Variants in BICD1 observed in about 807,000 individuals in gnomAD.
The protein encoded by BICD1 is BICD cargo adaptor 1.
In BICD1, 35 loss-of-function variants were observed where a neutral mutation model predicts 92.5. The observed-to-expected ratio is 0.38, with a 90% CI of 0.29 to 0.50. The LOEUF is 0.50. Ranked by LOEUF, BICD1 falls within the 20% of genes least tolerant of loss-of-function variation. The pLI is 0.93. For missense variants in BICD1, 950 were observed against 1,189.8 expected (o/e 0.80, Z 2.97); for synonymous variants, 429 against 465.1 (o/e 0.92, Z 1.00).
intron 2 of BICD1, among the ~76,000 whole-genome samples, chr12:32,284,290 C>G (rs1947500941): frequency 6.6e-6 from 1 of 152,212 alleles, no homozygotes; most frequent in African/African-American, 2.4e-5. Context: ...TTACTCCCCT[C>G]TAGGATCCAG....
At chr12:32,183,384 C>T (rs936672788) in intron 1 of BICD1, among the ~76,000 whole-genome samples, 6 of 151,754 alleles carry the variant, frequency 4.0e-5, no homozygotes, top group Non-Finnish European at 7.4e-5. Flanking sequence ...CCTGCCTCAG[C>T]CTCCCTAGTA....
intron 2 of BICD1, among the ~76,000 whole-genome samples, chr12:32,234,608 AAG>A (rs1301036420): frequency 1.0e-4 from 15 of 144,840 alleles, no homozygotes; most frequent in Non-Finnish European, 1.5e-4. Flanking sequence ...AAAAAAAAAA[AAG>A]AAAGAAAGAA....
intron 2 of BICD1, among the ~76,000 whole-genome samples, chr12:32,225,631 T>TTTTTTTTTTTTTTTTTTTTTTTTTTTTG (rs1565600360): frequency 7.2e-6 from 1 of 139,388 alleles, no homozygotes; most frequent in Non-Finnish European, 1.6e-5. Flanking sequence ...GTTTTTTTTT[T>TTTTTTTTTTTTTTTTTTTTTTTTTTTTG]TTTTTTTTTT....
chr12:32,326,697 C>T (rs1246968927), intron 4 of BICD1, among the ~76,000 whole-genome samples: 1 of 152,112 alleles, frequency 6.6e-6, no homozygotes, highest in Non-Finnish European at 1.5e-5. Flanking sequence ...CCAGCCTGGA[C>T]AACATAGCAA....
chr12:32,222,253 A>T (rs954940559), intron 2 of BICD1, among the ~76,000 whole-genome samples: 27 of 152,362 alleles, frequency 1.8e-4, no homozygotes, highest in African/African-American at 6.5e-4. Flanking sequence ...AGAAGATTGG[A>T]GTTATCAAAT....
At chr12:32,175,966 A>T (rs1592420215) in intron 1 of BICD1, among the ~76,000 whole-genome samples, 1 of 152,204 alleles carries the variant, frequency 6.6e-6, no homozygotes, top group African/African-American at 2.4e-5. Flanking sequence ...CATTTCATAT[A>T]AATGAGATGG....
intron 1 of BICD1, among the ~76,000 whole-genome samples, chr12:32,171,925 C>T (rs1053078482): frequency 6.7e-6 from 1 of 148,814 alleles, no homozygotes; most frequent in Non-Finnish European, 1.5e-5. Flanking sequence ...CAAAGCAAGA[C>T]TTGGTCTCAA....
intron 1 of BICD1, among the ~76,000 whole-genome samples, chr12:32,152,576 G>C (rs2121441106): frequency 6.6e-6 from 1 of 152,266 alleles, no homozygotes; most frequent in South Asian, 2.1e-4. Flanking sequence ...GAGAGAAATT[G>C]ATTGGCCCAC....
intron 2 of BICD1, among the ~76,000 whole-genome samples, chr12:32,266,149 A>G (rs1325860294): frequency 6.6e-6 from 1 of 152,208 alleles, no homozygotes; most frequent in Admixed American, 6.5e-5. Flanking sequence ...CCTAGGTCAT[A>G]GCCCTGTAGT....
rs1156716687 is a variant in BICD1, at chr12:32,379,168, A to G, written c.*1541A>G. On this transcript the variant is annotated 3_prime_UTR_variant, in exon 10 of 10. Coordinates refer to ENST00000652176, the MANE Select transcript of BICD1 (RefSeq NM_001714.4). The stretch of plus-strand genomic sequence containing the variant: ...CTCACTGTTAACACAAAGGACAGTT[A>G]CCAGTGTAGGGCACTGAGAAAGGAG... 6.6e-6 allele frequency: 1 copy of G among 152,256 alleles called. No homozygotes were observed. Among genetic ancestry groups the G allele is most frequent in the Non-Finnish European group, 1.5e-5 (1 of 68,056 alleles). The allele number at this position is 152,256 out of a possible 1,614,324, so 9.4% of individuals were successfully genotyped here.
In BICD1 at chr12:32,169,259, C is replaced by CTTA. The variant is rs535021039; in HGVS notation, c.214-46987_214-46985dup. ...TAGATAAAATTTACCTACTCTGATA[C>CTTA]TTAGCACAATAAATATTTATTGAAC... On this transcript the variant is annotated intron_variant, in intron 1 of 9. Transcript: ENST00000652176. Among the ~76,000 whole-genome samples the CTTA allele has an allele frequency of 1.3e-3, 200 of 152,228 alleles. 1 individual carries two copies. The highest frequency in any genetic ancestry group is 4.6e-3 in the African/African-American group (189 of 41,522).
chr12:32,129,808 A>G (rs371053541), intron 1 of BICD1, among the ~76,000 whole-genome samples: 1 of 152,114 alleles, frequency 6.6e-6, no homozygotes, highest in East Asian at 1.9e-4. Flanking sequence ...ATGGTTTGTT[A>G]AAAAAATGAA....
Position 32,135,022 on chromosome 12 carries a change from C to CCTCCT in BICD1, c.213+27493_213+27497dup, listed in dbSNP as rs149880101. Among the ~76,000 whole-genome samples the CCTCCT allele has an allele frequency of 3.4e-3, 462 of 135,338 alleles. 5 individuals are homozygous for CCTCCT. Among genetic ancestry groups the CCTCCT allele is most frequent in the African/African-American group, 0.011 (405 of 35,564 alleles). 88.8% of individuals were successfully genotyped at this position (135,338 alleles called of 152,430 possible). ...ATCAGAGGGCTAGAGGTGAATGAGT[C>CCTCCT]CTCCTCTCCTCTCCTCTCCCCCTCC... On this transcript the variant is annotated intron_variant, in intron 1 of 9. Coordinates refer to ENST00000652176, the MANE Select transcript of BICD1 (RefSeq NM_001714.4).
At chr12:32,160,757 C>A (rs1267822407) in intron 1 of BICD1, among the ~76,000 whole-genome samples, 1 of 152,110 alleles carries the variant, frequency 6.6e-6, no homozygotes, top group South Asian at 2.1e-4. Context: ...CTGTTTGTGA[C>A]TGTTGAAACA....
rs140446356 is a variant in BICD1 at position 32,260,484 on chromosome 12, C to T, written c.427-33510C>T. On this transcript the variant is annotated intron_variant, in intron 2 of 9. Transcript: ENST00000652176. ...TAAACAATACATTTTACATTGCTACCAAGGACTCGCATGCATGTGTGTGTG... is the reference window on the plus strand; with the variant it reads ...TAAACAATACATTTTACATTGCTACTAAGGACTCGCATGCATGTGTGTGTG... 8.5e-3 allele frequency among the ~76,000 whole-genome samples: 1,287 copies of T among 152,196 alleles called. 10 individuals are homozygous for T. The highest frequency in any genetic ancestry group is 0.017 in the Middle Eastern group (5 of 294).
chr12:32,271,305 C>A (rs372673798), intron 2 of BICD1, among the ~76,000 whole-genome samples: 1 of 152,124 alleles, frequency 6.6e-6, no homozygotes, highest in African/African-American at 2.4e-5. Flanking sequence ...CAAAATGAGG[C>A]GCTTATCTCT....
intron 9 of BICD1, among the ~76,000 whole-genome samples, chr12:32,373,835 G>A (rs150589533): frequency 0.027 from 4,023 of 151,596 alleles, 188 homozygotes; most frequent in African/African-American, 0.092. Flanking sequence ...AGCCAAGATC[G>A]CGCCAGTGCA....
intron 5 of BICD1, among the ~76,000 whole-genome samples, chr12:32,330,622 G>A (rs1937814332): frequency 2.0e-5 from 3 of 151,366 alleles, no homozygotes; most frequent in Non-Finnish European, 2.9e-5. Flanking sequence ...AAAGATTAGA[G>A]TGAATGAAGA....
chr12:32,124,471 T>C, intron 1 of BICD1, among the ~76,000 whole-genome samples: 1 of 152,274 alleles, frequency 6.6e-6, no homozygotes. Context: ...ATAATAACTA[T>C]AAGTGGTAAG....
Sources: allele counts gnomAD v4.1 joint callset (sites outside exome capture counted in the v4.1 genomes callset), GRCh38; gene constraint gnomAD v4.1.1; transcripts MANE v1.5; gene names NCBI Gene and HGNC (gene_info 2026-07-23, HGNC 2026-07-21).